Variants in GADL1 observed in about 807,000 individuals in gnomAD.
GADL1 encodes the protein GAD like acidic amino acid decarboxylase 1, also known as acidic amino acid decarboxylase GADL1.
In GADL1, 71 loss-of-function variants were observed where a neutral mutation model predicts 69.5. That is an observed-to-expected ratio of 1.02 (90% CI 0.84 to 1.25). GADL1 has a LOEUF of 1.25. Ranked by LOEUF, GADL1 falls within the 50% of genes most tolerant of loss-of-function variation. The probability of loss-of-function intolerance (pLI) is 0.00; values close to 1 mark genes in which losing one functional copy is unlikely to be tolerated. For synonymous variants in GADL1, 254 were observed against 214.4 expected, an observed-to-expected ratio of 1.18 and a Z score of -1.62; for missense variants, 737 against 631.8, an observed-to-expected ratio of 1.17 and a Z score of -1.79.
At chr3:30,849,923 G>A in intron 6 of GADL1, 73 bp downstream of exon 6, 2 of 858,462 alleles carry the variant, frequency 2.3e-6, no homozygotes. Context: ...ATCACATCAG[G>A]AATCTTCAAA....
At chr3:30,766,816 C>CT (rs1473151617) in intron 14 of GADL1, among the ~76,000 whole-genome samples, 1 of 150,248 alleles carries the variant, frequency 6.7e-6, no homozygotes, top group Non-Finnish European at 1.5e-5. Context: ...ACTGTAGTCC[C>CT]TGAATGATCA....
At position 30,751,814 on chromosome 3, in the gene GADL1, G is replaced by A. The variant is rs182284592; in HGVS notation, c.1393-23399C>T. Among the ~76,000 whole-genome samples, 153 of 152,204 alleles carry A rather than the reference G, an allele frequency of 1.0e-3. 1 individual carries two copies. The Middle Eastern group carries it at 0.014, about 14-fold the overall frequency. On this transcript the variant is annotated intron_variant, in intron 14 of 14. Coordinates refer to ENST00000282538, the MANE Select transcript of GADL1 (RefSeq NM_207359.3). ...CATAGTTTTTAGAGGAAAGTCCCTTGGAAAGCTTTTTTTGTCTCTGACTAA... is the reference window on the plus strand; with the variant it reads ...CATAGTTTTTAGAGGAAAGTCCCTTAGAAAGCTTTTTTTGTCTCTGACTAA...
Position 30,809,829 on chromosome 3 carries a change from A to G in GADL1, c.1051-8741T>C, listed in dbSNP as rs1697319870. On this transcript the variant is annotated intron_variant, in intron 11 of 14. Coordinates refer to ENST00000282538, the MANE Select transcript of GADL1 (RefSeq NM_207359.3). The stretch of plus-strand genomic sequence containing the variant: ...TTAAACACACCTTTTCCTCCAAAAA[A>G]TCATTGCATAACATTCATACTGCAA... 3.9e-5 allele frequency among the ~76,000 whole-genome samples: 6 copies of G among 152,258 alleles called. No homozygotes were observed. In the South Asian group the frequency reaches 1.2e-3, roughly 31 times the overall value.
intron 6 of GADL1, among the ~76,000 whole-genome samples, chr3:30,844,814 G>T (rs544077947): frequency 1.3e-5 from 2 of 152,236 alleles, no homozygotes; most frequent in South Asian, 4.2e-4. Context: ...TATATGTAGA[G>T]GGCTTAGCAC....
At chr3:30,738,078 C>G (rs1695563538) in intron 14 of GADL1, among the ~76,000 whole-genome samples, 1 of 152,204 alleles carries the variant, frequency 6.6e-6, no homozygotes, top group Non-Finnish European at 1.5e-5. Context: ...TTTATACACT[C>G]TATAAAGCAA....
chr3:30,786,485 T>C lies in GADL1; in HGVS notation c.1251-79A>G, dbSNP rs1368686820. On this transcript the variant is annotated intron_variant, in intron 12 of 14. Transcript: ENST00000282538. ...AACATGACTGATATGACAAAACTGATTCAGACAGGGCTTGGAGATAAGAAA... is the reference window on the plus strand; with the variant it reads ...AACATGACTGATATGACAAAACTGACTCAGACAGGGCTTGGAGATAAGAAA... 4 of 772,080 alleles carry C rather than the reference T, an allele frequency of 5.2e-6. No individual in the cohort carries two copies. In the African/African-American group the frequency reaches 5.2e-5, roughly 10 times the overall value. 47.8% of individuals were successfully genotyped at this position (772,080 alleles called of 1,614,324 possible). A position where few individuals can be genotyped will look rare whatever the true frequency, so the allele number is the denominator to read the frequency against.
chr3:30,733,627 TCCTTCCTTCCTC>T (rs1466635093), intron 14 of GADL1, among the ~76,000 whole-genome samples: 2 of 148,798 alleles, frequency 1.3e-5, no homozygotes, highest in Non-Finnish European at 3.0e-5. Context: ...CTTCCTTCCT[TCCTTCCTTCCTC>T]CTTCCCTCCC....
intron 12 of GADL1, among the ~76,000 whole-genome samples, chr3:30,796,218 A>G (rs1020594236): frequency 1.2e-4 from 19 of 152,204 alleles, no homozygotes; most frequent in African/African-American, 4.3e-4. Context: ...CCCCATTTAA[A>G]TAGTGCAAGA....
rs977798736 is a variant in GADL1, at chr3:30,801,983, ACT to A, written c.1051-897_1051-896del. Among the ~76,000 whole-genome samples, 37 of 152,174 alleles carry A rather than the reference ACT, an allele frequency of 2.4e-4. 1 individual carries two copies. Among genetic ancestry groups the A allele is most frequent in the African/African-American group, 5.5e-4 (23 of 41,516 alleles). On this transcript the variant is annotated intron_variant, in intron 11 of 14. Coordinates refer to ENST00000282538, the MANE Select transcript of GADL1 (RefSeq NM_207359.3). ...GTCTTATACCATTTGCTTGAATCTAACTCTCTATTTTATTATGATACTTGACA... is the reference window on the plus strand; with the variant it reads ...GTCTTATACCATTTGCTTGAATCTAACTCTATTTTATTATGATACTTGACA...
intron 11 of GADL1, among the ~76,000 whole-genome samples, chr3:30,808,173 CAG>C (rs1205780783): frequency 1.3e-5 from 2 of 149,288 alleles, no homozygotes; most frequent in African/African-American, 5.0e-5. Flanking sequence ...AATGGCAGGG[CAG>C]AGAGGTGGAA....
At chr3:30,860,525 C>T (rs1418929127) in intron 2 of GADL1, among the ~76,000 whole-genome samples, 1 of 151,972 alleles carries the variant, frequency 6.6e-6, no homozygotes, top group Non-Finnish European at 1.5e-5. Context: ...AAATACCAAA[C>T]ACCATCAGGA....
At chr3:30,772,677 C>T (rs1696442655) in intron 14 of GADL1, among the ~76,000 whole-genome samples, 1 of 152,072 alleles carries the variant, frequency 6.6e-6, no homozygotes, top group South Asian at 2.1e-4. Flanking sequence ...GAGTTTGAGA[C>T]CAGCCTGGCC....
intron 14 of GADL1, among the ~76,000 whole-genome samples, chr3:30,730,018 C>T (rs1273325562): frequency 6.6e-6 from 1 of 152,094 alleles, no homozygotes; most frequent in East Asian, 1.9e-4. Flanking sequence ...AAGCATGGGC[C>T]ATCAGGTTCT....
chr3:30,737,970 A>C (rs905344170), intron 14 of GADL1, among the ~76,000 whole-genome samples: 1 of 152,202 alleles, frequency 6.6e-6, no homozygotes, highest in Non-Finnish European at 1.5e-5. Context: ...CAATAAACCT[A>C]ATGTCAGTCA....
chr3:30,773,289 T>C (rs1471482135), intron 14 of GADL1, among the ~76,000 whole-genome samples: 1 of 152,182 alleles, frequency 6.6e-6, no homozygotes, highest in Non-Finnish European at 1.5e-5. Flanking sequence ...GCTTATTTTT[T>C]TCTGGCCCTT....
intron 12 of GADL1, among the ~76,000 whole-genome samples, chr3:30,796,498 A>G (rs1697035361): frequency 6.6e-6 from 1 of 152,210 alleles, no homozygotes; most frequent in South Asian, 2.1e-4. Flanking sequence ...CCTGGAAACC[A>G]TGACTGATTC....
At chr3:30,883,171 A>C (rs906924455) in intron 1 of GADL1, among the ~76,000 whole-genome samples, 2 of 151,716 alleles carry the variant, frequency 1.3e-5, no homozygotes, top group Non-Finnish European at 1.5e-5. Flanking sequence ...TCATTTGTCT[A>C]TTTTTGCTTT....
intron 1 of GADL1, among the ~76,000 whole-genome samples, chr3:30,876,543 A>G (rs1282342810): frequency 6.6e-6 from 1 of 151,990 alleles, no homozygotes; most frequent in Non-Finnish European, 1.5e-5. Flanking sequence ...TGGGGAGCCA[A>G]GAAAACAAAA....
At chr3:30,778,150 AAG>A (rs1696579918) in intron 14 of GADL1, 27 bp downstream of exon 14, 3 of 1,304,632 alleles carry the variant, frequency 2.3e-6, no homozygotes, top group African/African-American at 3.0e-5. Context: ...CTTCATCAAA[AAG>A]AAAAATACCA....
Sources: allele counts gnomAD v4.1 joint callset (sites outside exome capture counted in the v4.1 genomes callset), GRCh38; gene constraint gnomAD v4.1.1; transcripts MANE v1.5; gene names NCBI Gene and HGNC (gene_info 2026-07-23, HGNC 2026-07-21).